Variants in CYP2D6 observed in about 807,000 individuals in gnomAD.
CYP2D6 encodes the protein cytochrome P450 family 2 subfamily D member 6 (gene/pseudogene), also known as cytochrome P450 2D6.
In CYP2D6, 51 loss-of-function variants were observed where a neutral mutation model predicts 43.5. The observed-to-expected ratio is 1.17, with a 90% CI of 0.94 to 1.48. CYP2D6 has a LOEUF of 1.48. CYP2D6 is among the 40% of genes most tolerant of loss of function. The pLI, the probability that CYP2D6 is intolerant of heterozygous loss-of-function variation, is 0.00. For synonymous variants in CYP2D6, 346 were observed against 297.1 expected (o/e 1.16, Z -1.69); for missense variants, 698 against 688.0 (o/e 1.01, Z -0.16).
chr22:42,126,546 G>C lies in CYP2D6; in HGVS notation c.*28C>G, dbSNP rs1199132762. 1 of 1,538,080 alleles carries C rather than the reference G, an allele frequency of 6.5e-7. No homozygotes were observed. The stretch of plus-strand genomic sequence containing the variant: ...TTGTACATTAGAGCCTCTGGCTAGG[G>C]AGCAGGCTGGGGACTAGGTACCCCA... On this transcript the variant is annotated 3_prime_UTR_variant, in exon 9 of 9. Transcript: ENST00000645361.
In CYP2D6 at chr22:42,130,668, C is replaced by T. The variant is rs5030862; in HGVS notation, c.124G>A (p.Gly42Arg). The T allele has an allele frequency of 6.3e-5, 101 of 1,608,634 alleles. 5 individuals carry two copies. The African/African-American group carries it at 8.8e-4, about 14-fold the overall frequency. The part of the protein sequence containing the change: ...RYPPGPLPLP[G>R]LGNLLHVDFQ... ...TCCACATGCAGCAGGTTGCCCAGCC[C>T]GGGCAGTGGCAGGGGGCCTGGTGGG... Residue 42 changes from glycine (G) to arginine (R), a missense_variant, in exon 1 of 9, where the codon GGG (glycine) becomes AGG (arginine). By Grantham distance (125) the Gly-to-Arg change is moderately radical (BLOSUM62 -2). Transcript: ENST00000645361.
chr22:42,128,498 A>G lies in CYP2D6; in HGVS notation c.667-148T>C, dbSNP rs1931363341. On this transcript the variant is annotated intron_variant, in intron 4 of 8. Coordinates refer to ENST00000645361, the MANE Select transcript of CYP2D6 (RefSeq NM_000106.6). ...AGTCCCTCCCCAAGTGCCAGCCTCC[A>G]CCCTCTCTCCTTGCCCAGAGGAGAA... 11 of 1,016,608 alleles carry G rather than the reference A, an allele frequency of 1.1e-5. No homozygotes were observed. The East Asian group carries it at 2.7e-4, about 25-fold the overall frequency. The allele number at this position is 1,016,608 out of a possible 1,614,324, so 63.0% of individuals were successfully genotyped here.
rs79331140 is a variant in CYP2D6 at position 42,128,367 on chromosome 22, G to A, written c.667-17C>T. The A allele has an allele frequency of 1.6e-4, 256 of 1,608,946 alleles. 12 individuals carry two copies. The East Asian group carries it at 5.3e-3, about 33-fold the overall frequency. ...ATTCAGCACCTACACCAGACAGAACGGGGTCTCAATCCCTCCTGTGCTCTG... is the reference window on the plus strand; with the variant it reads ...ATTCAGCACCTACACCAGACAGAACAGGGTCTCAATCCCTCCTGTGCTCTG... On this transcript the variant is annotated splice_polypyrimidine_tract_variant and intron_variant, in intron 4 of 8. Transcript: ENST00000645361.
At chr22:42,128,066 C>T (rs1483914043) in intron 5 of CYP2D6, 83 bp from the exon 6 acceptor site, 28 of 1,596,754 alleles carry the variant, frequency 1.8e-5, no homozygotes, top group South Asian at 5.5e-5. Context: ...AGCCCAGATG[C>T]GGCTCGCCGG....
chr22:42,127,456 G>A lies in CYP2D6; in HGVS notation c.1164C>T (p.Arg388=), dbSNP rs1602568456. The A allele has an allele frequency of 6.2e-7, 1 of 1,608,470 alleles. No individual in the cohort carries two copies. The highest frequency in any genetic ancestry group is 8.5e-7 in the Non-Finnish European group (1 of 1,175,698). ...TSRDIEVQGF[R]IPKGTTLITN... is the part of the protein sequence containing the mutation. Reference sequence around the variant, plus strand: ...AGGGCGCCAGGCCTACCTTAGGGATGCGGAAGCCCTGTACTTCGATGTCAC... The same window carrying A: ...AGGGCGCCAGGCCTACCTTAGGGATACGGAAGCCCTGTACTTCGATGTCAC... The change falls in exon 7 of 9, where the codon CGC becomes CGT. Residue 388 remains arginine, a synonymous_variant. Coordinates refer to ENST00000645361, the MANE Select transcript of CYP2D6 (RefSeq NM_000106.6).
Position 42,128,888 on chromosome 22 carries a change from A to C in CYP2D6, c.562T>G (p.Ser188Ala), listed in dbSNP as rs763216774. Residue 188 changes from serine to alanine, a missense_variant, in exon 4 of 9, where the codon TCC (serine) becomes GCC (alanine). Around this residue, in one of 5 missense-constraint regions of CYP2D6, gnomAD observed 588 missense variants for 521.1 expected, o/e 1.13. Coordinates refer to ENST00000645361, the MANE Select transcript of CYP2D6 (RefSeq NM_000106.6). ...TCGAAGCGGCGCCCGCAGGTGAGGG[A>C]GGCGATCACGTTGCTCACGGCTTTG... ...LDKAVSNVIASLTCGRRFEYD... is the reference protein window; with the variant it reads ...LDKAVSNVIAALTCGRRFEYD... 7 of 1,597,274 alleles carry C rather than the reference A, an allele frequency of 4.4e-6. 1 individual carries two copies. The Admixed American group carries it at 1.2e-4, about 28-fold the overall frequency.
rs2146945299 is a variant in CYP2D6, at chr22:42,130,801, A to T, written c.-10T>A. 6.4e-7 allele frequency: 1 copy of T among 1,559,368 alleles called. No homozygotes were observed. The highest frequency in any genetic ancestry group is 8.7e-7 in the Non-Finnish European group (1 of 1,150,794). ...GTGCTTCTAGCCCCATACCTGCCTC[A>T]CTACCAAATGGGCTCCTCTGGACAC... On this transcript the variant is annotated 5_prime_UTR_variant, in exon 1 of 9. Transcript: ENST00000645361.
At chr22:42,130,578 C>G (rs1080995) in intron 1 of CYP2D6, 34 bp downstream of exon 1, 105,059 of 969,088 alleles carry the variant, frequency 0.11, 28,570 homozygotes, top group South Asian at 0.22. Flanking sequence ...GGAGCCTCAG[C>G]ACCTCTGCCG....
In CYP2D6 at chr22:42,129,659, C is replaced by T. The variant is rs1931704308; in HGVS notation, c.352+79G>A. 1.9e-6 allele frequency: 3 copies of T among 1,574,066 alleles called. No homozygotes were observed. The East Asian group carries it at 6.7e-5, about 35-fold the overall frequency. On this transcript the variant is annotated intron_variant, in intron 2 of 8. Transcript: ENST00000645361. The stretch of plus-strand genomic sequence containing the variant: ...CTGTTTCATGTCCACGACCCCGCGC[C>T]CTCTCTGCCCAGCTCGGACTACGGT...
intron 4 of CYP2D6, 52 bp from the exon 5 acceptor site, chr22:42,128,402 G>A (rs746228082): frequency 1.9e-6 from 3 of 1,590,254 alleles, no homozygotes; most frequent in Admixed American, 1.7e-5. Context: ...GCGTTCACCT[G>A]GACAAGTCTC....
Position 42,130,792 on chromosome 22 carries a change from A to G in CYP2D6, c.-1T>C, listed in dbSNP as rs766720823. 1.6e-4 allele frequency: 250 copies of G among 1,563,090 alleles called. 11 individuals carry two copies. Among genetic ancestry groups the G allele is most frequent in the African/African-American group, 1.0e-3 (76 of 72,882 alleles). The stretch of plus-strand genomic sequence containing the variant: ...GGGGCACCAGTGCTTCTAGCCCCAT[A>G]CCTGCCTCACTACCAAATGGGCTCC... On this transcript the variant is annotated 5_prime_UTR_variant, in exon 1 of 9. Coordinates refer to ENST00000645361, the MANE Select transcript of CYP2D6 (RefSeq NM_000106.6).
chr22:42,130,422 C>T, intron 1 of CYP2D6, 190 bp downstream of exon 1: 1 of 716,240 alleles, frequency 1.4e-6, no homozygotes, highest in Non-Finnish European at 2.4e-6. Flanking sequence ...TTGCCCTACT[C>T]TTCCTTGGCC....
At chr22:42,128,053 G>A in intron 5 of CYP2D6, 70 bp from the exon 6 acceptor site, 7 of 1,605,132 alleles carry the variant, frequency 4.4e-6, no homozygotes, top group Non-Finnish European at 6.0e-6. Flanking sequence ...TTCTGCACCT[G>A]TCAGCCCAGA....
chr22:42,129,602 G>A lies in CYP2D6; in HGVS notation c.352+136C>T, dbSNP rs1227903045. ...ATGCTCACACCTCCCTAGTGCAGGT[G>A]GTTTCTTGGCCCGCTGTCCCCACTC... is the stretch of plus-strand genomic sequence containing the variant. On this transcript the variant is annotated intron_variant, in intron 2 of 8. Transcript: ENST00000645361. 1.3e-5 allele frequency: 16 copies of A among 1,187,126 alleles called. 1 individual carries two copies. Among genetic ancestry groups the A allele is most frequent in the East Asian group, 4.9e-5 (2 of 41,064 alleles). 73.5% of individuals were successfully genotyped at this position (1,187,126 alleles called of 1,614,324 possible).
chr22:42,129,705 C>G (rs373884067), intron 2 of CYP2D6, 33 bp downstream of exon 2: 5 of 1,608,368 alleles, frequency 3.1e-6, no homozygotes, highest in Non-Finnish European at 3.4e-6. Flanking sequence ...CCGGGTCCCA[C>G]GGAAATCTGT....
At chr22:42,128,745 G>C in intron 4 of CYP2D6, 39 bp downstream of exon 4, 2 of 1,588,276 alleles carry the variant, frequency 1.3e-6, no homozygotes, top group East Asian at 2.3e-5. Context: ...CCTCTCGGGA[G>C]CTCGCCCTGC....
Position 42,129,794 on chromosome 22 carries a change from G to A in CYP2D6, c.296C>T (p.Ala99Val), listed in dbSNP as rs779059957. ...EALVTHGEDT[A>V]DRPPVPITQI... ...GGTGATGGGCACAGGCGGGCGGTCG[G>A]CGGTGTCCTCGCCGTGGGTCACCAG... The change falls in exon 2 of 9, where the codon GCC becomes GTC. Residue 99 changes from alanine to valine, a missense_variant. Physicochemically the swap from Ala to Val is moderately conservative, Grantham distance 64. Coordinates refer to ENST00000645361, the MANE Select transcript of CYP2D6 (RefSeq NM_000106.6). 12 of 1,607,558 alleles carry A rather than the reference G, an allele frequency of 7.5e-6. No individual in the cohort carries two copies. Among genetic ancestry groups the A allele is most frequent in the Non-Finnish European group, 1.0e-5 (12 of 1,177,636 alleles).
chr22:42,126,735 C>A lies in CYP2D6; in HGVS notation c.1333G>T (p.Gly445Trp), dbSNP rs751092905. ...PFSAGRRACL[G>W]EPLARMELFL... ...AGCTCCATGCGGGCCAGGGGCTCCC[C>A]GAGGCATGCACGGCGGCCTGTGGGG... The change falls in exon 9 of 9, where the codon GGG becomes TGG. Residue 445 changes from glycine (G) to tryptophan (W), a missense_variant. This residue lies in a region of CYP2D6 where 85 missense variants were observed against 81.2 expected (regional missense o/e 1.05). Transcript: ENST00000645361. 5 of 1,556,644 alleles carry A rather than the reference C, an allele frequency of 3.2e-6. No homozygotes were observed. The Admixed American group carries it at 7.8e-5, about 24-fold the overall frequency.
Position 42,128,755 on chromosome 22 carries a change from CAG to C in CYP2D6, c.666+27_666+28del, listed in dbSNP as rs780663872. ...CGGCACCTCTCGGGAGCTCGCCCTGCAGAGACTCCTCGGTCTCTCGCTCCGCA... is the reference window on the plus strand; with the variant it reads ...CGGCACCTCTCGGGAGCTCGCCCTGCAGACTCCTCGGTCTCTCGCTCCGCA... On this transcript the variant is annotated intron_variant, in intron 4 of 8. Transcript: ENST00000645361. The C allele has an allele frequency of 3.7e-5, 59 of 1,595,684 alleles. 2 individuals are homozygous for C. In the Admixed American group the frequency reaches 8.0e-4, roughly 22 times the overall value.
Sources: allele counts gnomAD v4.1 joint callset, GRCh38; gene constraint gnomAD v4.1.1; regional missense constraint gnomAD v4.1.1; transcripts MANE v1.5; gene names NCBI Gene and HGNC (gene_info 2026-07-23, HGNC 2026-07-21).